GRIA1: variants seen among roughly 807,000 people sequenced by gnomAD.
GRIA1 encodes glutamate ionotropic receptor AMPA type subunit 1.
A neutral mutation model predicts 99.2 loss-of-function variants in GRIA1; 31 were observed. That is an observed-to-expected ratio of 0.31 (90% CI 0.23 to 0.42). The LOEUF (loss-of-function observed/expected upper bound fraction) is 0.42. Ranked by LOEUF, GRIA1 falls within the 10% of genes least tolerant of loss-of-function variation. The probability of loss-of-function intolerance (pLI) is 1.00; values close to 1 mark genes in which losing one functional copy is unlikely to be tolerated. For synonymous variants in GRIA1, 438 were observed against 432.4 expected, an observed-to-expected ratio of 1.01 and a Z score of -0.16; for missense variants, 782 against 1,157.5, an observed-to-expected ratio of 0.68 and a Z score of 4.71.
intron 11 of GRIA1, 41 bp downstream of exon 11, chr5:153,706,108 T>TTTTGTCTGTTTG: frequency 7.4e-7 from 1 of 1,348,898 alleles, no homozygotes; most frequent in Non-Finnish European, 1.0e-6. Context: ...AATGCTATGG[T>TTTTGTCTGTTTG]TTTGTTTGTT....
At position 153,626,438 on chromosome 5, in the gene GRIA1, GTGTGTC is replaced by G. The variant is rs1314798059; in HGVS notation, c.221-20484_221-20479del. On this transcript the variant is annotated intron_variant, in intron 2 of 15. Coordinates refer to ENST00000285900, the MANE Select transcript of GRIA1 (RefSeq NM_000827.4). ...AATGACAAATCTAGTCTCTGTGTGT[GTGTGTC>G]TGTGTGTGTGTGTGTGTGTGTGTGT... Among the ~76,000 whole-genome samples the G allele has an allele frequency of 8.5e-5, 10 of 117,160 alleles. No individual in the cohort carries two copies. The East Asian group carries it at 1.2e-3, about 14-fold the overall frequency. The allele number at this position is 117,160 out of a possible 152,430, so 76.9% of individuals were successfully genotyped here. A position where few individuals can be genotyped will look rare whatever the true frequency, so the allele number is the denominator to read the frequency against.
At chr5:153,689,555 T>C (rs1757586236) in intron 8 of GRIA1, among the ~76,000 whole-genome samples, 1 of 152,166 alleles carries the variant, frequency 6.6e-6, no homozygotes, top group African/African-American at 2.4e-5. Context: ...CTGGGTATAT[T>C]GGGGTTATAC....
chr5:153,526,873 T>C (rs972246730), intron 2 of GRIA1, among the ~76,000 whole-genome samples: 1 of 152,150 alleles, frequency 6.6e-6, no homozygotes, highest in African/African-American at 2.4e-5. Context: ...TATGCTAAAT[T>C]TTAAGAGCCT....
rs5872325 is a variant in GRIA1, at chr5:153,590,506, ATGTGTGTGTGTGTGTGTG to A, written c.221-56392_221-56375del. Among the ~76,000 whole-genome samples the A allele has an allele frequency of 4.4e-3, 645 of 147,686 alleles. 1 individual carries two copies. Among genetic ancestry groups the A allele is most frequent in the Admixed American group, 8.1e-3 (121 of 14,866 alleles). On this transcript the variant is annotated intron_variant, in intron 2 of 15. Transcript: ENST00000285900. ...TGTGCAAACTCAACAAGCTATTGAA[ATGTGTGTGTGTGTGTGTG>A]TGTGTGTGTGTGTGTGTGTGTGTGT...
chr5:153,591,042 A>G (rs1282261855), intron 2 of GRIA1, among the ~76,000 whole-genome samples: 2 of 152,194 alleles, frequency 1.3e-5, no homozygotes, highest in Non-Finnish European at 2.9e-5. Context: ...TTCTTGACCC[A>G]GTCCTAGTTA....
chr5:153,624,122 C>T (rs571117108), intron 2 of GRIA1, among the ~76,000 whole-genome samples: 126 of 152,054 alleles, frequency 8.3e-4, no homozygotes, highest in Admixed American at 2.4e-3. Flanking sequence ...GACATTTAAC[C>T]GTAATAAGCA....
chr5:153,598,307 G>C (rs1030405164), intron 2 of GRIA1, among the ~76,000 whole-genome samples: 2 of 151,866 alleles, frequency 1.3e-5, no homozygotes, highest in African/African-American at 4.8e-5. Flanking sequence ...TGATTCTGAT[G>C]GTTTCAGAAA....
At chr5:153,674,424 C>G (rs1756419465) in intron 5 of GRIA1, 76 bp from the exon 6 acceptor site, 3 of 1,519,786 alleles carry the variant, frequency 2.0e-6, no homozygotes, top group East Asian at 4.5e-5. Context: ...AATGGAAAAT[C>G]CTGTGGTTTT....
intron 5 of GRIA1, among the ~76,000 whole-genome samples, chr5:153,657,942 G>A (rs943924760): frequency 2.0e-5 from 3 of 152,166 alleles, no homozygotes; most frequent in East Asian, 1.9e-4. Context: ...TTTTGACTTC[G>A]GAGTGAGGAA....
In GRIA1 at chr5:153,709,145, T is replaced by C. The variant is rs145700328; in HGVS notation, c.1823+3078T>C. 2.0e-4 allele frequency among the ~76,000 whole-genome samples: 31 copies of C among 152,352 alleles called. 1 individual carries two copies. The East Asian group carries it at 4.4e-3, about 22-fold the overall frequency. On this transcript the variant is annotated intron_variant, in intron 11 of 15. Transcript: ENST00000285900. Reference sequence around the variant, plus strand: ...TGAAAAACATCAGTAGAAACTTTTGTTGTCATTGTTGTTTATATATTTCCT... The same window carrying C: ...TGAAAAACATCAGTAGAAACTTTTGCTGTCATTGTTGTTTATATATTTCCT...
chr5:153,541,653 C>T (rs6580017), intron 2 of GRIA1, among the ~76,000 whole-genome samples: 62,105 of 151,696 alleles, frequency 0.41, 13,922 homozygotes, highest in Non-Finnish European at 0.51. Context: ...AAGAAAAGGC[C>T]GGACACTGTG....
chr5:153,529,028 A>G (rs1471628067), intron 2 of GRIA1, among the ~76,000 whole-genome samples: 1 of 152,202 alleles, frequency 6.6e-6, no homozygotes, highest in Admixed American at 6.5e-5. Context: ...ACAATGGAAT[A>G]TGGCCTTTTG....
intron 2 of GRIA1, among the ~76,000 whole-genome samples, chr5:153,542,783 T>G (rs1561626928): frequency 6.6e-6 from 1 of 152,250 alleles, no homozygotes; most frequent in Non-Finnish European, 1.5e-5. Flanking sequence ...CTTCTCCCAG[T>G]CTGGCCAGGT....
intron 3 of GRIA1, among the ~76,000 whole-genome samples, chr5:153,649,440 TTTAGTTAGTTAG>T (rs147092950): frequency 6.1e-5 from 9 of 146,796 alleles, no homozygotes; most frequent in South Asian, 2.2e-4. Context: ...TATTTATTTA[TTTAGTTAGTTAG>T]TTAGTTAGTT....
chr5:153,612,813 G>T (rs1378788387), intron 2 of GRIA1, among the ~76,000 whole-genome samples: 1 of 152,104 alleles, frequency 6.6e-6, no homozygotes, highest in Admixed American at 6.6e-5. Flanking sequence ...CATATCAGCA[G>T]CAAGTTCTGA....
At chr5:153,771,347 T>C (rs1763870811) in intron 13 of GRIA1, among the ~76,000 whole-genome samples, 1 of 152,188 alleles carries the variant, frequency 6.6e-6, no homozygotes, top group Non-Finnish European at 1.5e-5. Flanking sequence ...TTAATAAAGT[T>C]TGCAAAATGA....
intron 11 of GRIA1, among the ~76,000 whole-genome samples, chr5:153,742,331 G>A (rs932682479): frequency 2.0e-5 from 3 of 152,142 alleles, no homozygotes; most frequent in Admixed American, 6.5e-5. Context: ...AGTAGCATAG[G>A]TTACCACTCA....
intron 2 of GRIA1, among the ~76,000 whole-genome samples, chr5:153,554,818 T>C (rs574372822): frequency 6.6e-6 from 1 of 152,204 alleles, no homozygotes; most frequent in African/African-American, 2.4e-5. Context: ...TTCAGAAAAC[T>C]CATCCAAGTG....
chr5:153,786,944 G>A lies in GRIA1; in HGVS notation c.2271-7677G>A, dbSNP rs11745294. On this transcript the variant is annotated intron_variant, in intron 13 of 15. Transcript: ENST00000285900. ...GGACAAGCAAAGCATATTATCATAG[G>A]CTGGGCAGAATTCCAAAGGTCATTT... is the stretch of plus-strand genomic sequence containing the variant. Among the ~76,000 whole-genome samples, 403 of 152,316 alleles carry A rather than the reference G, an allele frequency of 2.6e-3. 1 individual carries two copies. Among genetic ancestry groups the A allele is most frequent in the Non-Finnish European group, 4.0e-3 (270 of 68,028 alleles).
Sources: allele counts gnomAD v4.1 joint callset (sites outside exome capture counted in the v4.1 genomes callset), GRCh38; gene constraint gnomAD v4.1.1; transcripts MANE v1.5; gene names NCBI Gene and HGNC (gene_info 2026-07-23, HGNC 2026-07-21).